The following HYCC1 variants were observed in gnomAD, a reference collection of about 807,000 sequenced individuals.
The protein encoded by HYCC1 is hyccin PI4KA lipid kinase complex subunit 1, also known as hyccin.
At chr7:22,946,069 C>T in the HYCC1 span, 27 of 1,613,522 alleles carry the variant, frequency 1.7e-5, no homozygotes, top group South Asian at 9.9e-5. Context: ...TTGATAAACC[C>T]GACTGGCTGG....
chr7:22,959,818 G>T, the HYCC1 span, among the ~76,000 whole-genome samples: 3 of 152,046 alleles, frequency 2.0e-5, no homozygotes, highest in African/African-American at 7.2e-5. Flanking sequence ...CAACACTATG[G>T]CATTCTTTAC....
At chr7:22,960,841 G>A in the HYCC1 span, among the ~76,000 whole-genome samples, 1 of 152,124 alleles carries the variant, frequency 6.6e-6, no homozygotes. Flanking sequence ...CCTGAGGTCG[G>A]GAGTTTGAGA....
chr7:22,901,242 A>AC, the HYCC1 span, among the ~76,000 whole-genome samples: 3 of 150,184 alleles, frequency 2.0e-5, no homozygotes, highest in African/African-American at 7.3e-5. Flanking sequence ...AAAAAAAAAA[A>AC]AAAAGGAAAG....
chr7:22,929,277 A>G, the HYCC1 span, among the ~76,000 whole-genome samples: 2 of 152,372 alleles, frequency 1.3e-5, no homozygotes, highest in Middle Eastern at 6.8e-3. Context: ...GGACATAGGC[A>G]TGGGCAAGGA....
the HYCC1 span, chr7:22,946,294 G>A: frequency 4.3e-6 from 3 of 696,158 alleles, no homozygotes; most frequent in Non-Finnish European, 7.0e-6. Context: ...ACAGATTATA[G>A]AAAATCAAAG....
chr7:22,933,822 T>C, the HYCC1 span, among the ~76,000 whole-genome samples: 2 of 152,188 alleles, frequency 1.3e-5, no homozygotes, highest in Non-Finnish European at 2.9e-5. Context: ...TCTGTGGATG[T>C]TTTTATTGCC....
the HYCC1 span, among the ~76,000 whole-genome samples, chr7:22,964,856 C>T: frequency 1.6e-4 from 25 of 151,926 alleles, no homozygotes; most frequent in African/African-American, 5.1e-4. Flanking sequence ...TGGCACTGCC[C>T]AAGCTCAGTG....
At chr7:22,978,567 T>G in the HYCC1 span, 1 of 845,094 alleles carries the variant, frequency 1.2e-6, no homozygotes, top group Non-Finnish European at 1.9e-6. Context: ...GTTCTTAAAA[T>G]AGCTAAGTTG....
At chr7:22,993,335 G>A in the HYCC1 span, among the ~76,000 whole-genome samples, 1 of 152,096 alleles carries the variant, frequency 6.6e-6, no homozygotes, top group Non-Finnish European at 1.5e-5. Flanking sequence ...CTTAGGCTAG[G>A]CAAAGGTTTC....
the HYCC1 span, among the ~76,000 whole-genome samples, chr7:22,957,094 T>C: frequency 2.0e-5 from 3 of 151,918 alleles, no homozygotes; most frequent in African/African-American, 7.2e-5. Flanking sequence ...AAAATTCATT[T>C]TAAAAACACT....
At chr7:22,897,755 G>A in the HYCC1 span, among the ~76,000 whole-genome samples, 2 of 151,772 alleles carry the variant, frequency 1.3e-5, no homozygotes, top group Non-Finnish European at 2.9e-5. Flanking sequence ...ACAGGTGCTC[G>A]CTACCACACC....
chr7:22,958,509 C>T, the HYCC1 span, among the ~76,000 whole-genome samples: 5 of 152,074 alleles, frequency 3.3e-5, no homozygotes, highest in African/African-American at 9.7e-5. Flanking sequence ...GATAAGAATG[C>T]TACTTTAATG....
chr7:22,966,534 T>C, the HYCC1 span, among the ~76,000 whole-genome samples: 1,795 of 152,324 alleles, frequency 0.012, 35 homozygotes, highest in African/African-American at 0.04. Context: ...ACAGTAAGTT[T>C]TTATTTTTAA....
At chr7:23,008,123 C>G in the HYCC1 span, among the ~76,000 whole-genome samples, 2 of 151,988 alleles carry the variant, frequency 1.3e-5, no homozygotes, top group Admixed American at 1.3e-4. Context: ...ATCATTCACG[C>G]GCTTTACACA....
the HYCC1 span, among the ~76,000 whole-genome samples, chr7:22,957,290 T>C: frequency 2.2e-4 from 24 of 109,944 alleles, no homozygotes; most frequent in African/African-American, 8.2e-4. Context: ...TCTTTTATGG[T>C]AAAGGGAGAT....
chr7:22,991,830 C>T, the HYCC1 span, among the ~76,000 whole-genome samples: 10 of 152,158 alleles, frequency 6.6e-5, no homozygotes, highest in South Asian at 1.0e-3. Flanking sequence ...TATTTCCTGA[C>T]GGAAAACTTG....
the HYCC1 span, among the ~76,000 whole-genome samples, chr7:22,992,428 G>A: frequency 6.6e-6 from 1 of 152,002 alleles, no homozygotes. Context: ...TTATAGAACT[G>A]TCTGTTTGGA....
the HYCC1 span, among the ~76,000 whole-genome samples, chr7:22,915,347 G>A: frequency 2.6e-4 from 40 of 152,314 alleles, no homozygotes; most frequent in Non-Finnish European, 1.3e-4. Flanking sequence ...AAGCCATAGC[G>A]GTCAGGTATT....
At chr7:22,969,965 G>C in the HYCC1 span, among the ~76,000 whole-genome samples, 111 of 152,272 alleles carry the variant, frequency 7.3e-4, no homozygotes, top group African/African-American at 2.5e-3. Flanking sequence ...GAAGGAAATA[G>C]TATAGGGTTC....
Sources: gnomAD v4.1 joint callset for allele counts (sites outside exome capture counted in the v4.1 genomes callset) on GRCh38, gnomAD v4.1.1 for gene constraint, MANE v1.5 for transcripts, NCBI Gene and HGNC (gene_info 2026-07-23, HGNC 2026-07-21) for gene names.